The following DLG2 variants were observed in gnomAD, a reference collection of about 807,000 sequenced individuals.
DLG2 encodes disks large homolog 2.
Under a neutral mutation model 132.5 loss-of-function variants are expected in DLG2, and 45 were observed. The observed-to-expected ratio is 0.34, with a 90% CI of 0.27 to 0.44. The LOEUF (loss-of-function observed/expected upper bound fraction) is 0.44, where lower values mean the gene tolerates loss of function less well. Among genes scored for constraint, DLG2 ranks in the 20% least tolerant of loss-of-function variants. DLG2 has a pLI of 1.00. For missense variants in DLG2, 1,045 were observed against 1,196.9 expected (o/e 0.87, Z 1.87); for synonymous variants, 424 against 419.6 (o/e 1.01, Z -0.13).
intron 3 of DLG2, among the ~76,000 whole-genome samples, chr11:85,298,795 A>G (rs1030114699): frequency 6.6e-6 from 1 of 151,864 alleles, no homozygotes; most frequent in Non-Finnish European, 1.5e-5. Context: ...GCAGTTATAT[A>G]ACAGATTGCT....
intron 6 of DLG2, among the ~76,000 whole-genome samples, chr11:84,988,148 A>T (rs542242187): frequency 2.0e-5 from 3 of 152,200 alleles, no homozygotes; most frequent in Non-Finnish European, 4.4e-5. Flanking sequence ...AAAATGCTCA[A>T]CGTCACTAAT....
chr11:83,564,656 T>C (rs938542269), intron 19 of DLG2, among the ~76,000 whole-genome samples: 39 of 152,170 alleles, frequency 2.6e-4, no homozygotes, highest in Non-Finnish European at 4.6e-4. Flanking sequence ...GTTATATGAG[T>C]GAATGATTGT....
At chr11:85,491,232 TA>T (rs78644360) in intron 3 of DLG2, among the ~76,000 whole-genome samples, 1 of 152,066 alleles carries the variant, frequency 6.6e-6, no homozygotes, top group South Asian at 2.1e-4. Flanking sequence ...CCTTTCATGA[TA>T]AAAACTCTCG....
intron 3 of DLG2, among the ~76,000 whole-genome samples, chr11:85,484,920 C>G (rs1386405451): frequency 6.6e-6 from 1 of 152,056 alleles, no homozygotes; most frequent in African/African-American, 2.4e-5. Flanking sequence ...TATTGTGGCA[C>G]TATTCACAAT....
intron 7 of DLG2, among the ~76,000 whole-genome samples, chr11:84,290,089 G>A (rs192064990): frequency 8.5e-5 from 13 of 152,190 alleles, no homozygotes; most frequent in Non-Finnish European, 1.6e-4. Context: ...TATCTATAGC[G>A]CTGAAATAAT....
chr11:84,990,644 C>T (rs2056990042), intron 6 of DLG2, among the ~76,000 whole-genome samples: 1 of 139,086 alleles, frequency 7.2e-6, no homozygotes, highest in Non-Finnish European at 1.6e-5. Flanking sequence ...CAAATTAAAA[C>T]CATGATGAGA....
At chr11:84,891,544 C>T (rs1463872642) in intron 6 of DLG2, among the ~76,000 whole-genome samples, 1 of 152,024 alleles carries the variant, frequency 6.6e-6, no homozygotes, top group Non-Finnish European at 1.5e-5. Context: ...AAGAGGGTTT[C>T]ATCAGGATAA....
chr11:83,909,607 T>C (rs1268650946), intron 15 of DLG2, among the ~76,000 whole-genome samples: 2 of 152,258 alleles, frequency 1.3e-5, no homozygotes, highest in African/African-American at 4.8e-5. Flanking sequence ...AATAAATAAA[T>C]GTTTAACTTT....
At chr11:85,113,345 C>A (rs1177073087) in intron 5 of DLG2, among the ~76,000 whole-genome samples, 2 of 152,040 alleles carry the variant, frequency 1.3e-5, no homozygotes, top group Admixed American at 6.6e-5. Flanking sequence ...AATGAGAACA[C>A]ACAACATATT....
chr11:84,412,036 G>T (rs2098908047), intron 7 of DLG2, among the ~76,000 whole-genome samples: 1 of 151,260 alleles, frequency 6.6e-6, no homozygotes, highest in South Asian at 2.1e-4. Context: ...ATGGAGGAGT[G>T]TGCGAACCCA....
At chr11:83,596,013 T>C (rs768013832) in intron 19 of DLG2, among the ~76,000 whole-genome samples, 7 of 152,212 alleles carry the variant, frequency 4.6e-5, no homozygotes, top group Non-Finnish European at 8.8e-5. Context: ...GTTTTGCATA[T>C]TGGCAAGAAC....
chr11:83,755,529 C>T (rs1018490834), intron 18 of DLG2, among the ~76,000 whole-genome samples: 3 of 151,330 alleles, frequency 2.0e-5, no homozygotes, highest in African/African-American at 4.9e-5. Flanking sequence ...TTATTACTTT[C>T]CCAGACTCAA....
At chr11:84,765,921 C>A (rs867920193) in intron 6 of DLG2, among the ~76,000 whole-genome samples, 1 of 151,960 alleles carries the variant, frequency 6.6e-6, no homozygotes, top group Non-Finnish European at 1.5e-5. Context: ...TTTTCCCAAA[C>A]TTTAACCCAC....
At chr11:85,297,637 C>T (rs981338477) in intron 3 of DLG2, among the ~76,000 whole-genome samples, 1 of 152,060 alleles carries the variant, frequency 6.6e-6, no homozygotes, top group African/African-American at 2.4e-5. Flanking sequence ...TTCCCTTTCC[C>T]TTTCCCTTTC....
intron 6 of DLG2, among the ~76,000 whole-genome samples, chr11:85,044,694 A>C (rs1456278681): frequency 6.6e-6 from 1 of 152,044 alleles, no homozygotes; most frequent in Non-Finnish European, 1.5e-5. Context: ...TATATGAACC[A>C]GGGATTTGAC....
chr11:85,491,551 A>T (rs2093560899), intron 3 of DLG2, among the ~76,000 whole-genome samples: 1 of 152,150 alleles, frequency 6.6e-6, no homozygotes, highest in Non-Finnish European at 1.5e-5. Flanking sequence ...CTAATTAAAT[A>T]AAGTTGCAGG....
At chr11:84,334,474 G>A (rs190746787) in intron 7 of DLG2, among the ~76,000 whole-genome samples, 1 of 152,236 alleles carries the variant, frequency 6.6e-6, no homozygotes, top group East Asian at 1.9e-4. Flanking sequence ...AGTTTTCTCA[G>A]GGTCTCCATT....
At chr11:84,682,698 G>T (rs1163469660) in intron 6 of DLG2, among the ~76,000 whole-genome samples, 1 of 152,174 alleles carries the variant, frequency 6.6e-6, no homozygotes, top group Non-Finnish European at 1.5e-5. Flanking sequence ...AGGCCCCAAA[G>T]ACTCAGCCCC....
intron 6 of DLG2, among the ~76,000 whole-genome samples, chr11:84,641,820 A>G (rs746046097): frequency 6.6e-6 from 1 of 152,030 alleles, no homozygotes; most frequent in Non-Finnish European, 1.5e-5. Flanking sequence ...TGCATACAAT[A>G]AATTCTATAC....
Sources: gnomAD v4.1 joint callset for allele counts (sites outside exome capture counted in the v4.1 genomes callset) on GRCh38, gnomAD v4.1.1 for gene constraint, MANE v1.5 for transcripts, NCBI Gene and HGNC (gene_info 2026-07-23, HGNC 2026-07-21) for gene names.